Variants in KDM1A observed in about 807,000 individuals in gnomAD.
KDM1A encodes the protein lysine demethylase 1A.
Under a neutral mutation model 109.4 loss-of-function variants are expected in KDM1A, and 49 were observed. That is an observed-to-expected ratio of 0.45 (90% CI 0.36 to 0.57). KDM1A has a LOEUF of 0.57. Ranked by LOEUF, KDM1A falls within the 20% of genes least tolerant of loss-of-function variation. The pLI, the probability that KDM1A is intolerant of heterozygous loss-of-function variation, is 0.00. For synonymous variants in KDM1A, 380 were observed against 415.4 expected, an observed-to-expected ratio of 0.91 and a Z score of 1.04; for missense variants, 668 against 1,116.6, an observed-to-expected ratio of 0.60 and a Z score of 5.73.
At chr1:23,034,266 G>A (rs976888710) in intron 2 of KDM1A, among the ~76,000 whole-genome samples, 1 of 152,050 alleles carries the variant, frequency 6.6e-6, no homozygotes, top group African/African-American at 2.4e-5. Context: ...TTTAACACAT[G>A]ATGGTTTTAT....
chr1:23,027,047 G>C lies in KDM1A; in HGVS notation c.352-3422G>C, dbSNP rs528996414. 1.1e-4 allele frequency among the ~76,000 whole-genome samples: 16 copies of C among 151,776 alleles called. No individual in the cohort carries two copies. The East Asian group carries it at 3.1e-3, about 29-fold the overall frequency. ...TTAAATGGTCACTTCTTGGCTCTGG[G>C]CAATTTTAAAATTATCTAAAAAAAA... On this transcript the variant is annotated intron_variant, in intron 1 of 20. Coordinates refer to ENST00000400181, the MANE Select transcript of KDM1A (RefSeq NM_001009999.3).
chr1:23,048,424 T>G (rs1446879314), intron 3 of KDM1A, among the ~76,000 whole-genome samples: 1 of 152,196 alleles, frequency 6.6e-6, no homozygotes, highest in East Asian at 1.9e-4. Context: ...TACTATTTTT[T>G]TATTTTTTAT....
intron 16 of KDM1A, among the ~76,000 whole-genome samples, chr1:23,078,483 C>T (rs1009030612): frequency 1.1e-4 from 16 of 152,188 alleles, no homozygotes; most frequent in Admixed American, 9.8e-4. Flanking sequence ...CTCATTCATA[C>T]TCTGACAAGC....
intron 2 of KDM1A, among the ~76,000 whole-genome samples, chr1:23,042,440 A>ATTTTTTTTTTTTTTTT (rs769149894): frequency 4.6e-5 from 1 of 21,560 alleles, no homozygotes; most frequent in African/African-American, 1.6e-4. Context: ...GAAATATATT[A>ATTTTTTTTTTTTTTTT]TTTTTTTTTT....
intron 5 of KDM1A, among the ~76,000 whole-genome samples, chr1:23,054,115 G>A (rs779005269): frequency 3.9e-5 from 6 of 152,074 alleles, no homozygotes; most frequent in Admixed American, 6.5e-5. Context: ...ATACTTCGGC[G>A]CTTCATGGCT....
intron 1 of KDM1A, among the ~76,000 whole-genome samples, chr1:23,027,571 T>C: frequency 7.1e-6 from 1 of 140,664 alleles, no homozygotes; most frequent in Non-Finnish European, 1.5e-5. Context: ...TGCAGGTGCA[T>C]GCCACCACAC....
At chr1:23,043,627 A>G (rs1642418109) in intron 2 of KDM1A, among the ~76,000 whole-genome samples, 1 of 152,202 alleles carries the variant, frequency 6.6e-6, no homozygotes, top group South Asian at 2.1e-4. Context: ...TGTCTTGATG[A>G]TAGATTTTGG....
chr1:23,066,529 C>T (rs1253393899), intron 10 of KDM1A, among the ~76,000 whole-genome samples: 2 of 152,138 alleles, frequency 1.3e-5, no homozygotes, highest in African/African-American at 4.8e-5. Flanking sequence ...ATCCAGTTGA[C>T]ACTGGAAGAG....
chr1:23,023,352 C>G (rs1569612328), intron 1 of KDM1A, among the ~76,000 whole-genome samples: 1 of 152,120 alleles, frequency 6.6e-6, no homozygotes, highest in Admixed American at 6.5e-5. Context: ...TTAGCTCTTG[C>G]ATTTATGTCG....
intron 9 of KDM1A, among the ~76,000 whole-genome samples, chr1:23,061,974 A>G (rs1569766993): frequency 6.6e-6 from 1 of 152,282 alleles, no homozygotes; most frequent in Non-Finnish European, 1.5e-5. Flanking sequence ...TAGCTTTTGA[A>G]CAAGCTTAAA....
At chr1:23,030,813 A>G (rs1194205439) in intron 2 of KDM1A, among the ~76,000 whole-genome samples, 179 bp downstream of exon 2, 2 of 152,024 alleles carry the variant, frequency 1.3e-5, no homozygotes, top group African/African-American at 4.8e-5. Flanking sequence ...ATATGTGTGT[A>G]TGTATACACA....
chr1:23,063,226 GTGT>G (rs1643063330), intron 9 of KDM1A, among the ~76,000 whole-genome samples: 4 of 52,708 alleles, frequency 7.6e-5, no homozygotes, highest in African/African-American at 1.2e-4. Context: ...GGGTGGGTGT[GTGT>G]GGGTGTGTGT....
intron 3 of KDM1A, among the ~76,000 whole-genome samples, chr1:23,045,718 A>G (rs920112199): frequency 6.6e-6 from 1 of 152,116 alleles, no homozygotes; most frequent in African/African-American, 2.4e-5. Context: ...TAAGTAAACA[A>G]TATCATATAT....
In KDM1A at chr1:23,019,777, C is replaced by T; in HGVS notation, c.181C>T (p.Arg61Cys). The change falls in exon 1 of 21, where the codon CGC (arginine) becomes TGC (cysteine). Residue 61 changes from arginine to cysteine, a missense_variant. Arg to Cys is a radical substitution (Grantham distance 180). Around this residue, in one of 8 missense-constraint regions of KDM1A, gnomAD observed 156 missense variants for 163.4 expected, o/e 0.95. Transcript: ENST00000400181. ...GPGAVGERTPRKKEPPRASPP... is the reference protein window; with the variant it reads ...GPGAVGERTPCKKEPPRASPP... ...GGGGGCGGTGGGGGAGCGCACACCC[C>T]GCAAGAAAGAGCCTCCGCGGGCCTC... The T allele has an allele frequency of 1.5e-6, 2 of 1,375,370 alleles. No homozygotes were observed. The highest frequency in any genetic ancestry group is 1.9e-6 in the Non-Finnish European group (2 of 1,063,738). 85.2% of individuals were successfully genotyped at this position (1,375,370 alleles called of 1,614,324 possible). A position where few individuals can be genotyped will look rare whatever the true frequency, so the allele number is the denominator to read the frequency against.
intron 20 of KDM1A, 94 bp from the exon 21 acceptor site, chr1:23,083,085 A>G (rs1643669409): frequency 9.9e-6 from 12 of 1,218,034 alleles, no homozygotes; most frequent in Non-Finnish European, 1.2e-5. Context: ...CAGCCTTTAA[A>G]AAGGTCAACA....
chr1:23,036,654 C>T (rs1446351522), intron 2 of KDM1A, among the ~76,000 whole-genome samples: 1 of 151,896 alleles, frequency 6.6e-6, no homozygotes, highest in Non-Finnish European at 1.5e-5. Context: ...CACACGGTCC[C>T]CACTCTCAGA....
chr1:23,081,385 A>G (rs982202606), intron 18 of KDM1A, 61 bp from the exon 19 acceptor site: 1 of 1,594,882 alleles, frequency 6.3e-7, no homozygotes, highest in African/African-American at 1.3e-5. Context: ...GGGGCCTGAT[A>G]AGGAAGTTTT....
At chr1:23,039,983 C>T (rs1177835338) in intron 2 of KDM1A, among the ~76,000 whole-genome samples, 2 of 152,198 alleles carry the variant, frequency 1.3e-5, no homozygotes, top group Non-Finnish European at 2.9e-5. Flanking sequence ...ACGGTAGAGA[C>T]ATATATTCCA....
At chr1:23,035,400 C>T (rs116026371) in intron 2 of KDM1A, among the ~76,000 whole-genome samples, 61 of 152,282 alleles carry the variant, frequency 4.0e-4, no homozygotes, top group Non-Finnish European at 7.6e-4. Context: ...TGAGGTTTCT[C>T]CGCGTTGGCC....
Sources: gnomAD v4.1 joint callset for allele counts (sites outside exome capture counted in the v4.1 genomes callset) on GRCh38, gnomAD v4.1.1 for gene constraint, gnomAD v4.1.1 regional missense constraint, MANE v1.5 for transcripts, NCBI Gene and HGNC (gene_info 2026-07-23, HGNC 2026-07-21) for gene names.